Variants in TMEM132D observed in about 807,000 individuals in gnomAD.
TMEM132D encodes the protein mature OL transmembrane protein.
Under a neutral mutation model 62.3 loss-of-function variants are expected in TMEM132D, and 21 were observed. The ratio of observed to expected loss-of-function variants is 0.34; its 90% confidence interval spans 0.24 to 0.49. TMEM132D has a LOEUF of 0.49. Ranked by LOEUF, TMEM132D falls within the 20% of genes least tolerant of loss-of-function variation. The probability of loss-of-function intolerance (pLI) is 0.99; values close to 1 mark genes in which losing one functional copy is unlikely to be tolerated. For missense variants in TMEM132D, 1,346 were observed against 1,402.8 expected, an observed-to-expected ratio of 0.96 and a Z score of 0.65; for synonymous variants, 621 against 575.6, an observed-to-expected ratio of 1.08 and a Z score of -1.13.
chr12:129,173,642 G>A (rs561532606), intron 5 of TMEM132D, among the ~76,000 whole-genome samples: 7 of 152,264 alleles, frequency 4.6e-5, no homozygotes, highest in African/African-American at 1.7e-4. Flanking sequence ...TCTCCTTCCT[G>A]CATTCTCAAT....
intron 2 of TMEM132D, among the ~76,000 whole-genome samples, chr12:129,636,526 G>A (rs1201550303): frequency 6.6e-6 from 1 of 152,148 alleles, no homozygotes; most frequent in African/African-American, 2.4e-5. Flanking sequence ...GTTTGTGTAG[G>A]TTTCTTTTGA....
chr12:129,744,270 A>T (rs1869702909), intron 1 of TMEM132D, among the ~76,000 whole-genome samples: 1 of 152,230 alleles, frequency 6.6e-6, no homozygotes, highest in Admixed American at 6.5e-5. Flanking sequence ...TTACTATTGC[A>T]AATGTTACAA....
intron 3 of TMEM132D, among the ~76,000 whole-genome samples, chr12:129,435,055 G>A (rs112250433): frequency 3.3e-5 from 5 of 152,114 alleles, no homozygotes; most frequent in Non-Finnish European, 5.9e-5. Flanking sequence ...ACAGGCGTGC[G>A]AATGTACCGT....
intron 3 of TMEM132D, among the ~76,000 whole-genome samples, chr12:129,354,859 C>T (rs1398340784): frequency 6.6e-6 from 1 of 152,162 alleles, no homozygotes; most frequent in Non-Finnish European, 1.5e-5. Flanking sequence ...AATATGCTCC[C>T]ACCTCTTCTT....
intron 1 of TMEM132D, among the ~76,000 whole-genome samples, chr12:129,720,493 T>G (rs927950182): frequency 6.6e-6 from 1 of 152,204 alleles, no homozygotes; most frequent in African/African-American, 2.4e-5. Flanking sequence ...AAAATTCTTC[T>G]GATTGAATTA....
In TMEM132D at chr12:129,307,457, A is replaced by G. The variant is rs534296511; in HGVS notation, c.1299+30177T>C. Among the ~76,000 whole-genome samples the G allele has an allele frequency of 3.3e-5, 5 of 152,324 alleles. No individual in the cohort carries two copies. In the East Asian group the frequency reaches 9.6e-4, roughly 29 times the overall value. ...TTCAGGCAGTGAACATATGATTTAA[A>G]TGGAGTTTAAAACCTTAGCCCTTCT... On this transcript the variant is annotated intron_variant, in intron 4 of 8. Coordinates refer to ENST00000422113, the MANE Select transcript of TMEM132D (RefSeq NM_133448.3).
Position 129,557,143 on chromosome 12 carries a change from T to A in TMEM132D, c.969-25938A>T, listed in dbSNP as rs1354687178. Among the ~76,000 whole-genome samples, 4 of 152,188 alleles carry A rather than the reference T, an allele frequency of 2.6e-5. No individual in the cohort carries two copies. The South Asian group carries it at 8.3e-4, about 32-fold the overall frequency. On this transcript the variant is annotated intron_variant, in intron 2 of 8. Coordinates refer to ENST00000422113, the MANE Select transcript of TMEM132D (RefSeq NM_133448.3). ...AGAGTTAAGTTTTATAGCGGTTTAC[T>A]TTTTTTAGCTTCCATTTTTATTTTA...
intron 3 of TMEM132D, among the ~76,000 whole-genome samples, chr12:129,503,826 A>T (rs1875236762): frequency 6.6e-6 from 1 of 152,082 alleles, no homozygotes; most frequent in Non-Finnish European, 1.5e-5. Context: ...TTATTTCTTC[A>T]TTTCTTTCAC....
intron 3 of TMEM132D, among the ~76,000 whole-genome samples, chr12:129,522,279 T>A (rs1420731686): frequency 1.3e-5 from 2 of 152,172 alleles, no homozygotes; most frequent in East Asian, 3.9e-4. Flanking sequence ...ATCCTGTCCA[T>A]AAGAAACAAC....
chr12:129,432,338 G>GATGGATGGATGA (rs1444011676), intron 3 of TMEM132D, among the ~76,000 whole-genome samples: 1 of 151,466 alleles, frequency 6.6e-6, no homozygotes, highest in East Asian at 1.9e-4. Flanking sequence ...TGGATGGATG[G>GATGGATGGATGA]ATGGATGGAT....
chr12:129,800,622 C>T (rs999884782), intron 1 of TMEM132D, among the ~76,000 whole-genome samples: 6 of 152,238 alleles, frequency 3.9e-5, no homozygotes, highest in African/African-American at 1.4e-4. Flanking sequence ...ACAAAACATC[C>T]CTCCCTCCGA....
intron 4 of TMEM132D, among the ~76,000 whole-genome samples, chr12:129,325,903 C>T (rs1183115965): frequency 2.6e-5 from 4 of 152,184 alleles, no homozygotes; most frequent in African/African-American, 9.7e-5. Context: ...CAGTGGACAC[C>T]ACCAAAGAGA....
intron 5 of TMEM132D, among the ~76,000 whole-genome samples, chr12:129,136,208 A>G (rs1005930951): frequency 5.9e-5 from 9 of 152,208 alleles, no homozygotes; most frequent in Admixed American, 3.3e-4. Context: ...GAGTTCCTAT[A>G]TAACCTCTAC....
At chr12:129,628,451 G>A (rs558002090) in intron 2 of TMEM132D, among the ~76,000 whole-genome samples, 2 of 152,160 alleles carry the variant, frequency 1.3e-5, no homozygotes, top group Non-Finnish European at 2.9e-5. Context: ...TATCAGGGAC[G>A]TGTCTGTACC....
chr12:129,861,674 T>A (rs1459039485), intron 1 of TMEM132D, among the ~76,000 whole-genome samples: 2 of 148,256 alleles, frequency 1.3e-5, no homozygotes, highest in Non-Finnish European at 3.0e-5. Flanking sequence ...GGCAGGAGAA[T>A]CACTTGAAAT....
At chr12:129,330,070 C>T (rs987710314) in intron 4 of TMEM132D, among the ~76,000 whole-genome samples, 10 of 151,992 alleles carry the variant, frequency 6.6e-5, no homozygotes, top group African/African-American at 1.2e-4. Flanking sequence ...ATGCCTTAAT[C>T]GAGAAGATTT....
intron 5 of TMEM132D, among the ~76,000 whole-genome samples, chr12:129,200,805 G>A (rs1169208166): frequency 6.6e-6 from 1 of 152,192 alleles, no homozygotes; most frequent in Admixed American, 6.5e-5. Context: ...CTCCACCAGG[G>A]ATGCTGAAAA....
intron 3 of TMEM132D, among the ~76,000 whole-genome samples, chr12:129,493,625 A>C (rs1190665174): frequency 6.6e-6 from 1 of 152,252 alleles, no homozygotes; most frequent in Non-Finnish European, 1.5e-5. Flanking sequence ...ACACAATACC[A>C]GCTGCCATAT....
intron 8 of TMEM132D, among the ~76,000 whole-genome samples, chr12:129,076,164 G>C (rs1036259413): frequency 6.6e-6 from 1 of 152,196 alleles, no homozygotes; most frequent in Non-Finnish European, 1.5e-5. Context: ...TGTAGTGGGG[G>C]CACATATAAA....
Sources: allele counts gnomAD v4.1 joint callset (sites outside exome capture counted in the v4.1 genomes callset), GRCh38; gene constraint gnomAD v4.1.1; transcripts MANE v1.5; gene names NCBI Gene and HGNC (gene_info 2026-07-23, HGNC 2026-07-21).